The following TCEA2 variants were observed in gnomAD, a reference collection of about 807,000 sequenced individuals.
The protein encoded by TCEA2 is transcription elongation factor A protein 2.
In TCEA2, 21 loss-of-function variants were observed where a neutral mutation model predicts 40.8. That is an observed-to-expected ratio of 0.51 (90% CI 0.36 to 0.74). The LOEUF (loss-of-function observed/expected upper bound fraction) is 0.74, where lower values mean the gene tolerates loss of function less well. Ranked by LOEUF, TCEA2 falls within the 30% of genes least tolerant of loss-of-function variation. TCEA2 has a pLI of 0.00. For missense variants in TCEA2, 326 were observed against 426.5 expected, an observed-to-expected ratio of 0.76 and a Z score of 2.08; for synonymous variants, 165 against 162.7, an observed-to-expected ratio of 1.01 and a Z score of -0.11.
At position 64,068,136 on chromosome 20, in the gene TCEA2, T is replaced by A; in HGVS notation, c.329+2T>A. ...TGCCTCAGAGGCCCCGGATCCCAGGTAGCACACCTGGAAGGCAGGTGCACA... is the reference window on the plus strand; with the variant it reads ...TGCCTCAGAGGCCCCGGATCCCAGGAAGCACACCTGGAAGGCAGGTGCACA... On this transcript the variant is annotated splice_donor_variant, in intron 4 of 9. Coordinates refer to ENST00000343484, the MANE Select transcript of TCEA2 (RefSeq NM_003195.6). LOFTEE classifies it high-confidence loss of function. The A allele has an allele frequency of 6.2e-7, 1 of 1,606,910 alleles. No homozygotes were observed. Among genetic ancestry groups the A allele is most frequent in the Non-Finnish European group, 8.5e-7 (1 of 1,177,104 alleles).
chr20:64,069,831 G>A lies in TCEA2; in HGVS notation c.517+10G>A. 6.2e-7 allele frequency: 1 copy of A among 1,613,078 alleles called. No individual in the cohort carries two copies. The highest frequency in any genetic ancestry group is 1.1e-5 in the South Asian group (1 of 91,086). On this transcript the variant is annotated intron_variant, in intron 6 of 9. Coordinates refer to ENST00000343484, the MANE Select transcript of TCEA2 (RefSeq NM_003195.6). ...GCTCAGATCGAGGAATATATCCTTT[G>A]GGTAGGGGCTGTGGGCCTGGGTTTC... is the stretch of plus-strand genomic sequence containing the variant.
upstream of TCEA2, among the ~76,000 whole-genome samples, chr20:64,059,912 C>T (rs946014339): frequency 2.6e-5 from 4 of 152,270 alleles, no homozygotes; most frequent in East Asian, 3.9e-4. Flanking sequence ...GCTTGTCCAT[C>T]CCAGGGAGAA....
At chr20:64,055,757 T>TC (rs1253412290), upstream of TCEA2, among the ~76,000 whole-genome samples, 1 of 151,966 alleles carries the variant, frequency 6.6e-6, no homozygotes, top group African/African-American at 2.4e-5. The surrounding 1 kb of genome is among the most constrained non-coding windows in gnomAD (Gnocchi z 4.0). Flanking sequence ...GGACGGGCAG[T>TC]CCCCTGCCAG....
chr20:64,059,492 ACT>A (rs1334402584), upstream of TCEA2, among the ~76,000 whole-genome samples: 1 of 151,832 alleles, frequency 6.6e-6, no homozygotes, highest in Non-Finnish European at 1.5e-5. Flanking sequence ...ACTCTGGGAC[ACT>A]CTCTGCACCT....
At chr20:64,061,267 A>AT (rs71197442), upstream of TCEA2, among the ~76,000 whole-genome samples, 27,675 of 144,500 alleles carry the variant, frequency 0.19, 2,761 homozygotes, top group South Asian at 0.26. Flanking sequence ...CGCCCGGCTA[A>AT]TTTTTTTTTT....
In TCEA2 at chr20:64,071,910, T is replaced by C. The variant is rs2059848448; in HGVS notation, c.860T>C (p.Val287Ala). ...TCTGATGAGCCCATGACCACCTTTG[T>C]TGTCTGCAACGAGTGTGGAAACCGC... ...RSSDEPMTTF[V>A]VCNECGNRWK... The change falls in exon 9 of 10, where the codon GTT becomes GCT. Residue 287 changes from valine to alanine, a missense_variant. Transcript: ENST00000343484. 1 of 1,614,130 alleles carries C rather than the reference T, an allele frequency of 6.2e-7. No individual in the cohort carries two copies.
upstream of TCEA2, among the ~76,000 whole-genome samples, chr20:64,062,190 C>T (rs1372902498): frequency 3.9e-5 from 6 of 152,190 alleles, no homozygotes; most frequent in South Asian, 1.2e-3. Flanking sequence ...TGACTACAGG[C>T]TCCTTGATCC....
upstream of TCEA2, among the ~76,000 whole-genome samples, chr20:64,061,087 A>G (rs7264802): frequency 0.73 from 104,882 of 143,156 alleles, 38,928 homozygotes; most frequent in East Asian, 0.92. Flanking sequence ...CACCGCGCCC[A>G]GCCTGAGTCT....
rs773653730 is a variant in TCEA2 at position 64,069,504 on chromosome 20, G to A, written c.460+13G>A. On this transcript the variant is annotated intron_variant, in intron 5 of 9. Coordinates refer to ENST00000343484, the MANE Select transcript of TCEA2 (RefSeq NM_003195.6). The stretch of plus-strand genomic sequence containing the variant: ...CTGCAGACGGACCGTGAGTGCGGCC[G>A]GCCCTGGCTCCTGACACCCGCTGTG... 4.3e-6 allele frequency: 7 copies of A among 1,610,536 alleles called. No individual in the cohort carries two copies. Among genetic ancestry groups the A allele is most frequent in the East Asian group, 4.5e-5 (2 of 44,836 alleles).
upstream of TCEA2, among the ~76,000 whole-genome samples, chr20:64,055,876 G>T (rs775089090): frequency 6.6e-5 from 10 of 152,092 alleles, no homozygotes; most frequent in Non-Finnish European, 1.5e-4. The surrounding 1 kb of genome is among the most constrained non-coding windows in gnomAD (Gnocchi z 4.0). Flanking sequence ...GGAGGCCTGG[G>T]CCCCTGGGAG....
Position 64,069,781 on chromosome 20 carries a change from C to T in TCEA2, c.477C>T (p.Ile159=), listed in dbSNP as rs112323220. ...ALQTDHDHVA[I]GADCERLSAQ... ...CTCTTGCAGATGACCACGTGGCCAT[C>T]GGTGCGGACTGCGAGCGCCTGTCGG... The change falls in exon 6 of 10, where the codon ATC becomes ATT. Residue 159 remains isoleucine (I), a synonymous_variant. Coordinates refer to ENST00000343484, the MANE Select transcript of TCEA2 (RefSeq NM_003195.6). 8.9e-5 allele frequency: 144 copies of T among 1,612,550 alleles called. No homozygotes were observed. In the African/African-American group the frequency reaches 1.2e-3, roughly 13 times the overall value.
At position 64,069,348 on chromosome 20, in the gene TCEA2, T is replaced by C; in HGVS notation, c.330-13T>C. ...CCTTGAGTCTGAACCCAGCTGGCCC[T>C]GGCTCTCTGCAGCCGCAAGAGGCCG... On this transcript the variant is annotated splice_polypyrimidine_tract_variant and intron_variant, in intron 4 of 9. Transcript: ENST00000343484. 1.9e-6 allele frequency: 3 copies of C among 1,567,646 alleles called. No individual in the cohort carries two copies. Among genetic ancestry groups the C allele is most frequent in the Non-Finnish European group, 2.6e-6 (3 of 1,155,486 alleles).
At chr20:64,060,597 C>T (rs938241520), upstream of TCEA2, among the ~76,000 whole-genome samples, 1 of 152,178 alleles carries the variant, frequency 6.6e-6, no homozygotes. Context: ...ATGCCCAAAC[C>T]ATGGGATTCT....
rs1601600764 is a variant in TCEA2 at position 64,070,600 on chromosome 20, G to A, written c.784G>A (p.Gly262Ser). Residue 262 changes from glycine (G) to serine (S), a missense_variant, in exon 8 of 10, where the codon GGC (glycine) becomes AGC (serine). Physicochemically the swap from Gly to Ser is moderately conservative, Grantham distance 56 (BLOSUM62 0). Transcript: ENST00000343484. The part of the protein sequence containing the change: ...GGTQTDLFTC[G>S]KCRKKNCTYT... Reference sequence around the variant, plus strand: ...CACGCAGACAGACCTGTTCACCTGCGGCAAGTGCAGGAAAAAGAACTGCAC... The same window carrying A: ...CACGCAGACAGACCTGTTCACCTGCAGCAAGTGCAGGAAAAAGAACTGCAC... 1 of 1,611,346 alleles carries A rather than the reference G, an allele frequency of 6.2e-7. No homozygotes were observed. Among genetic ancestry groups the A allele is most frequent in the Non-Finnish European group, 8.5e-7 (1 of 1,178,902 alleles).
upstream of TCEA2, among the ~76,000 whole-genome samples, chr20:64,059,394 T>C (rs1446391028): frequency 6.6e-6 from 1 of 152,012 alleles, no homozygotes; most frequent in Non-Finnish European, 1.5e-5. Context: ...ATAGGCCCTG[T>C]CCTGCAGTGG....
At chr20:64,061,168 T>G (rs2059557577), upstream of TCEA2, among the ~76,000 whole-genome samples, 1 of 130,548 alleles carries the variant, frequency 7.7e-6, no homozygotes, top group Non-Finnish European at 1.6e-5. Context: ...TGGCACAATC[T>G]GGGCTCACTG....
chr20:64,066,632 C>T (rs577271330), intron 2 of TCEA2, 94 bp downstream of exon 2: 6 of 1,405,436 alleles, frequency 4.3e-6, no homozygotes, highest in African/African-American at 4.3e-5. Context: ...TCCCCACCCT[C>T]CCCACCAGGC....
chr20:64,057,580 C>G (rs1377113834), exon 1 of TCEA2: 1 of 152,372 alleles, frequency 6.6e-6, no homozygotes, highest in East Asian at 1.9e-4. Context: ...GGTGCAAATT[C>G]TGAGGGCCCG....
At chr20:64,063,601 C>T (rs2059619228) in intron 1 of TCEA2, 3 of 600,330 alleles carry the variant, frequency 5.0e-6, no homozygotes, top group Non-Finnish European at 8.7e-6. Context: ...CGGCAGAGGC[C>T]GCGATCAGGC....
Sources: allele counts gnomAD v4.1 joint callset (sites outside exome capture counted in the v4.1 genomes callset), GRCh38; gene constraint gnomAD v4.1.1; non-coding constraint Gnocchi (gnomAD v3.1); transcripts MANE v1.5; gene names NCBI Gene and HGNC (gene_info 2026-07-23, HGNC 2026-07-21).